TNRC18: variants seen among roughly 807,000 people sequenced by gnomAD.
The protein encoded by TNRC18 is trinucleotide repeat containing 18.
A neutral mutation model predicts 226.7 loss-of-function variants in TNRC18; 69 were observed. The ratio of observed to expected loss-of-function variants is 0.30; its 90% CI spans 0.25 to 0.37. TNRC18 has a LOEUF of 0.37. TNRC18 is among the 10% of genes least tolerant of loss of function. The probability of loss-of-function intolerance (pLI) is 1.00; values close to 1 mark genes in which losing one functional copy is unlikely to be tolerated. For synonymous variants in TNRC18, 2,449 were observed against 1,927.6 expected (o/e 1.27, Z -7.09); for missense variants, 4,754 against 4,256.6 (o/e 1.12, Z -3.25).
intron 2 of TNRC18, among the ~76,000 whole-genome samples, chr7:5,414,302 A>G (rs1013662788): frequency 1.2e-4 from 18 of 148,060 alleles, no homozygotes; most frequent in Non-Finnish European, 2.5e-4. Context: ...AAATATATAT[A>G]TTATATATGT....
At chr7:5,332,573 G>A (rs1233243077) in intron 19 of TNRC18, 49 bp downstream of exon 19, 13 of 1,475,512 alleles carry the variant, frequency 8.8e-6, no homozygotes, top group South Asian at 1.3e-5. Flanking sequence ...CCTCCCTCAC[G>A]GAACCCCAGG....
intron 2 of TNRC18, among the ~76,000 whole-genome samples, chr7:5,404,772 G>GTGTGTA (rs1781354361): frequency 6.9e-6 from 1 of 145,886 alleles, no homozygotes; most frequent in South Asian, 2.1e-4. Context: ...CAGTGTGTGT[G>GTGTGTA]TGTGTGTGTG....
chr7:5,313,900 C>G (rs765007251), intron 26 of TNRC18, 37 bp from the exon 27 acceptor site: 1 of 1,427,502 alleles, frequency 7.0e-7, no homozygotes, highest in African/African-American at 1.4e-5. Flanking sequence ...GGGGCGGGGG[C>G]TTCCTGGCAG....
In TNRC18 at chr7:5,370,739, G is replaced by A. The variant is rs376138970; in HGVS notation, c.3855C>T (p.Ser1285=). 483 of 1,604,894 alleles carry A rather than the reference G, an allele frequency of 3.0e-4. 3 individuals are homozygous for A. Among genetic ancestry groups the A allele is most frequent in the Non-Finnish European group, 6.0e-5 (71 of 1,176,472 alleles). ...ACATTTCTAGGGTGGGCTGGGACTC[G>A]CTCGGTGCCACCTGCGCCAGGCCTT... The part of the protein sequence containing the change: ...PEEGLAQVAP[S]ESQPTLEMSD... The change falls in exon 11 of 30, where the codon AGC becomes AGT. Residue 1285 remains serine, a synonymous_variant. Coordinates refer to ENST00000430969, the MANE Select transcript of TNRC18 (RefSeq NM_001080495.3).
chr7:5,393,814 A>T (rs552713213), intron 3 of TNRC18, among the ~76,000 whole-genome samples: 45 of 152,176 alleles, frequency 3.0e-4, no homozygotes, highest in African/African-American at 8.7e-4. Context: ...CCCTACATTG[A>T]GGGGCATGGC....
At chr7:5,356,266 A>G (rs1338332927) in intron 16 of TNRC18, among the ~76,000 whole-genome samples, 7 of 151,900 alleles carry the variant, frequency 4.6e-5, no homozygotes, top group Admixed American at 1.3e-4. Flanking sequence ...TTTAACCCCG[A>G]GTCGCCTCTC....
At chr7:5,313,922 G>T in intron 26 of TNRC18, 59 bp from the exon 27 acceptor site, 1 of 1,396,376 alleles carries the variant, frequency 7.2e-7, no homozygotes, top group Admixed American at 2.6e-5. Flanking sequence ...GATGAGCTGT[G>T]GCTTTTATCA....
chr7:5,314,336 C>A (rs1583735330), intron 26 of TNRC18, among the ~76,000 whole-genome samples: 1 of 152,102 alleles, frequency 6.6e-6, no homozygotes, highest in African/African-American at 2.4e-5. Flanking sequence ...CCTTCTTAGG[C>A]CTCCTTCGGC....
chr7:5,333,868 C>G lies in TNRC18; in HGVS notation c.5720-819G>C, dbSNP rs113526235. 4.7e-3 allele frequency among the ~76,000 whole-genome samples: 712 copies of G among 152,320 alleles called. 4 individuals carry two copies. Among genetic ancestry groups the G allele is most frequent in the African/African-American group, 0.016 (683 of 41,572 alleles). On this transcript the variant is annotated intron_variant, in intron 18 of 29. Transcript: ENST00000430969. ...GTTGTCACAGGCAATGCCACACCTT[C>G]GCATTTCTGTCCATGCCCAGGTCCC...
intron 15 of TNRC18, among the ~76,000 whole-genome samples, chr7:5,357,573 C>T (rs1164603418): frequency 1.3e-5 from 2 of 152,204 alleles, no homozygotes; most frequent in Admixed American, 6.6e-5. Context: ...CAGCCTCGAC[C>T]TCTGGGCTCT....
intron 18 of TNRC18, among the ~76,000 whole-genome samples, chr7:5,344,468 C>G (rs542850013): frequency 6.6e-6 from 1 of 151,976 alleles, no homozygotes; most frequent in Admixed American, 6.5e-5. Context: ...GGCATGAGAG[C>G]GAGGAGGGGG....
Position 5,356,811 on chromosome 7 carries a change from C to CGA in TNRC18, c.5194+103_5194+104dup, listed in dbSNP as rs1025388442. On this transcript the variant is annotated intron_variant, in intron 16 of 29. Transcript: ENST00000430969. ...GTGCGCCCCAGAGAGAGAGCGAGAG[C>CGA]GAGAGAGAGAGTGAGGGGCGGGGGG... The CGA allele has an allele frequency of 1.9e-4, 261 of 1,372,666 alleles. No homozygotes were observed. The South Asian group carries it at 2.3e-3, about 12-fold the overall frequency. 85.0% of individuals were successfully genotyped at this position (1,372,666 alleles called of 1,614,324 possible). A position where few individuals can be genotyped will look rare whatever the true frequency, so the allele number is the denominator to read the frequency against.
Position 5,377,333 on chromosome 7 carries a change from C to CCCCCCCG in TNRC18, c.2461+37_2461+38insCGGGGGG. On this transcript the variant is annotated intron_variant, in intron 7 of 29. Coordinates refer to ENST00000430969, the MANE Select transcript of TNRC18 (RefSeq NM_001080495.3). This position sits in a 1 kb window ranked among gnomAD's most constrained non-coding sequence, Gnocchi z 5.8. ...CTGCACCCGCCCCCTCCCACCCCTCCCTCAGAGAAGGGGAGAGACCCTGTG... is the reference window on the plus strand; with the variant it reads ...CTGCACCCGCCCCCTCCCACCCCTCCCCCCCCGCTCAGAGAAGGGGAGAGACCCTGTG... The CCCCCCCG allele has an allele frequency of 1.5e-6, 2 of 1,345,584 alleles. No individual in the cohort carries two copies. Among genetic ancestry groups the CCCCCCCG allele is most frequent in the Non-Finnish European group, 2.0e-6 (2 of 988,666 alleles). 83.4% of individuals were successfully genotyped at this position (1,345,584 alleles called of 1,614,324 possible). A position where few individuals can be genotyped will look rare whatever the true frequency, so the allele number is the denominator to read the frequency against.
At chr7:5,368,401 G>A (rs937446338) in intron 11 of TNRC18, among the ~76,000 whole-genome samples, 6 of 151,886 alleles carry the variant, frequency 4.0e-5, no homozygotes, top group African/African-American at 1.2e-4. Context: ...GGTGGCTCAC[G>A]CCTGTAATCC....
chr7:5,382,129 C>G (rs1779438496), intron 5 of TNRC18, among the ~76,000 whole-genome samples: 1 of 152,228 alleles, frequency 6.6e-6, no homozygotes, highest in African/African-American at 2.4e-5. Flanking sequence ...TCATCCCTAT[C>G]TTCCAGATGA....
intron 18 of TNRC18, among the ~76,000 whole-genome samples, chr7:5,345,174 G>C (rs1291077991): frequency 6.6e-6 from 1 of 152,162 alleles, no homozygotes; most frequent in Non-Finnish European, 1.5e-5. Flanking sequence ...CTGCACCTGT[G>C]TCTCGGGTAA....
chr7:5,313,405 T>G lies in TNRC18; in HGVS notation c.7486A>C (p.Lys2496Gln). ...TAGCTGCCCAGGCTCAGGAGGCTCT[T>G]GGGCTCCTGCCAGCCCCCCGCCCCC... ...DPGAGGWQEP[K>Q]SLLSLGSYPP... The change falls in exon 27 of 30, where the codon AAG becomes CAG. Residue 2496 changes from lysine to glutamine, a missense_variant. By Grantham distance (53) the Lys-to-Gln change is moderately conservative. Coordinates refer to ENST00000430969, the MANE Select transcript of TNRC18 (RefSeq NM_001080495.3). 3.8e-6 allele frequency: 6 copies of G among 1,596,808 alleles called. No individual in the cohort carries two copies. Among genetic ancestry groups the G allele is most frequent in the Non-Finnish European group, 5.1e-6 (6 of 1,173,072 alleles).
In TNRC18 at chr7:5,377,771, G is replaced by A. The variant is rs764410970; in HGVS notation, c.2255+151C>T. 1,032 of 985,592 alleles carry A rather than the reference G, an allele frequency of 1.0e-3. No homozygotes were observed. The highest frequency in any genetic ancestry group is 1.4e-3 in the Non-Finnish European group (943 of 665,954). 61.1% of individuals were successfully genotyped at this position (985,592 alleles called of 1,614,324 possible). A position where few individuals can be genotyped will look rare whatever the true frequency, so the allele number is the denominator to read the frequency against. On this transcript the variant is annotated intron_variant, in intron 6 of 29. Transcript: ENST00000430969. The surrounding 1 kb of genome is among the most constrained non-coding windows in gnomAD (Gnocchi z 5.8). ...GGGCCACCTGGCCTGGGCAGGGCTGGCCCGATGCTGAGGACCAGAGTGACT... is the reference window on the plus strand; with the variant it reads ...GGGCCACCTGGCCTGGGCAGGGCTGACCCGATGCTGAGGACCAGAGTGACT...
rs563561492 is a variant in TNRC18 at position 5,372,517 on chromosome 7, C to A, written c.3230-1153G>T. 3.3e-5 allele frequency among the ~76,000 whole-genome samples: 5 copies of A among 151,774 alleles called. No homozygotes were observed. The South Asian group carries it at 1.0e-3, about 32-fold the overall frequency. ...GGATTACAGGCGTGAGCCACTGTGC[C>A]TGACCTGGAAGACTCCATCTCTACT... On this transcript the variant is annotated intron_variant, in intron 10 of 29. Coordinates refer to ENST00000430969, the MANE Select transcript of TNRC18 (RefSeq NM_001080495.3).
Sources: gnomAD v4.1 joint callset for allele counts (sites outside exome capture counted in the v4.1 genomes callset) on GRCh38, gnomAD v4.1.1 for gene constraint, Gnocchi (gnomAD v3.1) non-coding constraint, MANE v1.5 for transcripts, NCBI Gene and HGNC (gene_info 2026-07-23, HGNC 2026-07-21) for gene names.